Variants in PBX3 observed in about 807,000 individuals in gnomAD.
The protein encoded by PBX3 is pre-B-cell leukemia transcription factor 3.
In PBX3, 14 loss-of-function variants were observed where a neutral mutation model predicts 48.5. The ratio of observed to expected loss-of-function variants is 0.29; its 90% confidence interval spans 0.19 to 0.45. The LOEUF (loss-of-function observed/expected upper bound fraction) is 0.45. Ranked by LOEUF, PBX3 falls within the 20% of genes least tolerant of loss-of-function variation. The probability of loss-of-function intolerance (pLI) is 1.00; values close to 1 mark genes in which losing one functional copy is unlikely to be tolerated. For missense variants in PBX3, 386 were observed against 546.7 expected (o/e 0.71, Z 2.93); for synonymous variants, 210 against 200.3 (o/e 1.05, Z -0.41).
chr9:125,937,378 A>G (rs1162022507), intron 5 of PBX3, among the ~76,000 whole-genome samples: 9 of 152,082 alleles, frequency 5.9e-5, no homozygotes. Context: ...ACAGTTAATT[A>G]TTAAATTTAT....
rs560192906 is a variant in PBX3 at position 125,875,059 on chromosome 9, T to G, written c.275-40627T>G. 5.3e-5 allele frequency among the ~76,000 whole-genome samples: 8 copies of G among 152,314 alleles called. No homozygotes were observed. The East Asian group carries it at 1.5e-3, about 29-fold the overall frequency. ...TTTCAAAAAGCAAACACCAGGAAACTTCTGCTTCTGGCTATGACTAAAACT... is the reference window on the plus strand; with the variant it reads ...TTTCAAAAAGCAAACACCAGGAAACGTCTGCTTCTGGCTATGACTAAAACT... On this transcript the variant is annotated intron_variant, in intron 2 of 8. Transcript: ENST00000373489.
intron 2 of PBX3, among the ~76,000 whole-genome samples, chr9:125,889,734 A>G (rs891317177): frequency 1.3e-5 from 2 of 151,194 alleles, no homozygotes; most frequent in African/African-American, 4.8e-5. Context: ...GCTGTCAGCC[A>G]GCAGGGCGGG....
At chr9:125,834,331 G>A (rs1461083147) in intron 2 of PBX3, among the ~76,000 whole-genome samples, 3 of 152,142 alleles carry the variant, frequency 2.0e-5, no homozygotes, top group Non-Finnish European at 4.4e-5. Flanking sequence ...CTTTCAACAA[G>A]TTTTTAAGGT....
chr9:125,791,281 ATCTGTCTG>A (rs78566375), intron 2 of PBX3, among the ~76,000 whole-genome samples: 1,536 of 143,472 alleles, frequency 0.011, 8 homozygotes, highest in Middle Eastern at 0.025. Context: ...ATACATTTTT[ATCTGTCTG>A]TCTGTCTGTC....
chr9:125,864,162 G>A (rs1449140255), intron 2 of PBX3, among the ~76,000 whole-genome samples: 1 of 152,214 alleles, frequency 6.6e-6, no homozygotes, highest in Non-Finnish European at 1.5e-5. Context: ...TTCCCCATGA[G>A]AGTAATATAA....
At chr9:125,839,013 G>C (rs1210724479) in intron 2 of PBX3, among the ~76,000 whole-genome samples, 1 of 152,136 alleles carries the variant, frequency 6.6e-6, no homozygotes, top group Admixed American at 6.5e-5. Context: ...GGAGGGGAAT[G>C]GTTCAGAATA....
intron 2 of PBX3, among the ~76,000 whole-genome samples, chr9:125,839,222 C>T (rs979555315): frequency 1.3e-5 from 2 of 152,124 alleles, no homozygotes; most frequent in African/African-American, 2.4e-5. Flanking sequence ...TATAGTCAAG[C>T]GCTTTACCCA....
intron 2 of PBX3, among the ~76,000 whole-genome samples, chr9:125,800,483 A>G (rs550978103): frequency 6.6e-6 from 1 of 152,236 alleles, no homozygotes; most frequent in South Asian, 2.1e-4. Flanking sequence ...GCCAATAAAG[A>G]GTTTTTCTAT....
In PBX3 at chr9:125,915,712, G is replaced by A; in HGVS notation, c.301G>A (p.Glu101Lys). 1 of 1,612,936 alleles carries A rather than the reference G, an allele frequency of 6.2e-7. No individual in the cohort carries two copies. The highest frequency in any genetic ancestry group is 8.5e-7 in the Non-Finnish European group (1 of 1,179,266). Residue 101 changes from glutamate (E) to lysine (K), a missense_variant, in exon 3 of 9, where the codon GAG (glutamate) becomes AAG (lysine). This residue lies in a region of PBX3 where 69 missense variants were observed against 99.1 expected (regional missense o/e 0.70). Coordinates refer to ENST00000373489, the MANE Select transcript of PBX3 (RefSeq NM_006195.6). ...TCTCAGCATCAGAGGAGCCCAGGAGGAGGACCCTCCCGATCCCCAGCTAAT... is the reference window on the plus strand; with the variant it reads ...TCTCAGCATCAGAGGAGCCCAGGAGAAGGACCCTCCCGATCCCCAGCTAAT... Reference protein sequence around the residue: ...TGLSIRGAQEEDPPDPQLMRL... With the variant: ...TGLSIRGAQEKDPPDPQLMRL...
At chr9:125,932,920 ATGT>A (rs1841750080) in intron 4 of PBX3, among the ~76,000 whole-genome samples, 1 of 152,150 alleles carries the variant, frequency 6.6e-6, no homozygotes. Context: ...GCTGTTAGTA[ATGT>A]TGTGATGCTG....
chr9:125,877,780 C>T (rs1840290512), intron 2 of PBX3, among the ~76,000 whole-genome samples: 1 of 152,184 alleles, frequency 6.6e-6, no homozygotes, highest in African/African-American at 2.4e-5. Context: ...ATATCATCAT[C>T]AACAACATCA....
intron 2 of PBX3, among the ~76,000 whole-genome samples, chr9:125,898,316 A>C (rs1482674948): frequency 2.0e-5 from 3 of 151,756 alleles, no homozygotes; most frequent in Non-Finnish European, 3.0e-5. Context: ...AAATTTTCAC[A>C]GTCTCCTTTG....
At chr9:125,848,262 A>T (rs1025251898) in intron 2 of PBX3, among the ~76,000 whole-genome samples, 1 of 151,948 alleles carries the variant, frequency 6.6e-6, no homozygotes, top group Admixed American at 6.6e-5. Flanking sequence ...ACCTAAAATC[A>T]CCTCAAGGTA....
chr9:125,858,677 G>T (rs2132282216), intron 2 of PBX3, among the ~76,000 whole-genome samples: 1 of 149,028 alleles, frequency 6.7e-6, no homozygotes, highest in South Asian at 2.1e-4. Context: ...CCAGGCTGGA[G>T]TGCAATGGCA....
intron 2 of PBX3, among the ~76,000 whole-genome samples, chr9:125,793,366 A>AAAATATATATATATAT (rs59271982): frequency 2.0e-5 from 2 of 101,976 alleles, no homozygotes; most frequent in African/African-American, 8.5e-5. Context: ...GGAAAAAAAA[A>AAAATATATATATATAT]ATATATATAT....
chr9:125,821,591 T>G (rs910996797), intron 2 of PBX3, among the ~76,000 whole-genome samples: 7 of 152,144 alleles, frequency 4.6e-5, no homozygotes, highest in Admixed American at 1.3e-4. Context: ...GAAATCTATT[T>G]GGTTTTCCCA....
At chr9:125,829,402 A>G (rs1211926716) in intron 2 of PBX3, among the ~76,000 whole-genome samples, 1 of 152,186 alleles carries the variant, frequency 6.6e-6, no homozygotes, top group East Asian at 1.9e-4. Flanking sequence ...AGCAAGAGAA[A>G]ATAAGCTTGC....
chr9:125,862,157 G>A (rs899549444), intron 2 of PBX3, among the ~76,000 whole-genome samples: 1 of 152,164 alleles, frequency 6.6e-6, no homozygotes, highest in African/African-American at 2.4e-5. Flanking sequence ...TGCATTGCCT[G>A]TGTATACAAG....
chr9:125,928,745 G>A (rs1460600259), intron 3 of PBX3, among the ~76,000 whole-genome samples: 3 of 152,138 alleles, frequency 2.0e-5, no homozygotes, highest in Admixed American at 1.3e-4. Flanking sequence ...GATTACAGGC[G>A]TGAGCCACCG....
Sources: allele counts gnomAD v4.1 joint callset (sites outside exome capture counted in the v4.1 genomes callset), GRCh38; gene constraint gnomAD v4.1.1; regional missense constraint gnomAD v4.1.1; transcripts MANE v1.5; gene names NCBI Gene and HGNC (gene_info 2026-07-23, HGNC 2026-07-21).